Variants in RAB28 observed in about 807,000 individuals in gnomAD.
RAB28 encodes the protein RAB28, member RAS oncogene family.
In RAB28, 24 loss-of-function variants were observed where a neutral mutation model predicts 31.7. The ratio of observed to expected loss-of-function variants is 0.76; its 90% confidence interval spans 0.55 to 1.06. The LOEUF is 1.06. Ranked by LOEUF, RAB28 falls within the 50% of genes least tolerant of loss-of-function variation. The pLI, the probability that RAB28 is intolerant of heterozygous loss-of-function variation, is 0.00. For synonymous variants in RAB28, 100 were observed against 90.4 expected, an observed-to-expected ratio of 1.11 and a Z score of -0.60; for missense variants, 254 against 258.5, an observed-to-expected ratio of 0.98 and a Z score of 0.12.
intron 5 of RAB28, among the ~76,000 whole-genome samples, chr4:13,379,190 A>G (rs181086795): frequency 5.1e-5 from 7 of 136,962 alleles, no homozygotes; most frequent in Admixed American, 7.8e-5. Flanking sequence ...CGGAGGACAC[A>G]GTGAAACTCT....
At chr4:13,474,080 A>G (rs757208479) in intron 3 of RAB28, 2 of 647,404 alleles carry the variant, frequency 3.1e-6, no homozygotes, top group Non-Finnish European at 5.8e-6. Flanking sequence ...AACACCTAGT[A>G]ATGTAAATAA....
chr4:13,390,249 C>T (rs1375249704), intron 4 of RAB28, among the ~76,000 whole-genome samples: 1 of 152,096 alleles, frequency 6.6e-6, no homozygotes, highest in Admixed American at 6.6e-5. Context: ...CACAAGCATT[C>T]CTATACACCA....
At chr4:13,375,733 GT>G (rs1009395783) in intron 6 of RAB28, among the ~76,000 whole-genome samples, 97 of 151,844 alleles carry the variant, frequency 6.4e-4, no homozygotes, top group African/African-American at 2.1e-3. Flanking sequence ...CCATATCAGT[GT>G]AACAATTTCA....
intron 4 of RAB28, among the ~76,000 whole-genome samples, chr4:13,408,842 T>C (rs960095345): frequency 7.2e-5 from 11 of 152,164 alleles, no homozygotes; most frequent in Non-Finnish European, 1.5e-4. Flanking sequence ...TCCCACTCCA[T>C]CAGTGTTTTA....
intron 1 of RAB28, among the ~76,000 whole-genome samples, chr4:13,479,786 G>A (rs191259738): frequency 5.3e-5 from 8 of 150,902 alleles, no homozygotes; most frequent in South Asian, 4.2e-4. Context: ...CCTTTTCCTT[G>A]CTGAAAATTA....
chr4:13,370,064 C>T, intron 6 of RAB28: 1 of 1,470,758 alleles, frequency 6.8e-7, no homozygotes, highest in Non-Finnish European at 9.0e-7. Flanking sequence ...TAGAAGGAAA[C>T]ACCAAAGTAG....
intron 4 of RAB28, among the ~76,000 whole-genome samples, chr4:13,398,089 A>C (rs1169944813): frequency 6.6e-6 from 1 of 152,084 alleles, no homozygotes; most frequent in South Asian, 2.1e-4. Context: ...ATAATGCATA[A>C]CTATTTCTCC....
intron 4 of RAB28, 55 bp downstream of exon 4, chr4:13,460,644 C>T (rs1340145831): frequency 1.9e-6 from 3 of 1,600,160 alleles, no homozygotes; most frequent in Non-Finnish European, 2.6e-6. Context: ...CACAAACATT[C>T]TGTCCACAAC....
intron 4 of RAB28, among the ~76,000 whole-genome samples, chr4:13,422,848 T>TAAAACAA (rs1713244509): frequency 1.3e-5 from 2 of 150,400 alleles, no homozygotes; most frequent in Non-Finnish European, 3.0e-5. Flanking sequence ...TGTACACCTA[T>TAAAACAA]AAAACAAACC....
At chr4:13,383,916 C>G (rs1041318442) in intron 4 of RAB28, among the ~76,000 whole-genome samples, 1 of 152,152 alleles carries the variant, frequency 6.6e-6, no homozygotes, top group Non-Finnish European at 1.5e-5. Flanking sequence ...GGTCTGCTGC[C>G]CTCTCCTGAG....
At chr4:13,437,532 A>T (rs1714188503) in intron 4 of RAB28, among the ~76,000 whole-genome samples, 1 of 152,132 alleles carries the variant, frequency 6.6e-6, no homozygotes, top group Admixed American at 6.5e-5. Context: ...AACCGCAACA[A>T]AAAGTGGACT....
intron 4 of RAB28, among the ~76,000 whole-genome samples, chr4:13,454,013 A>G (rs10939483): frequency 0.056 from 8,514 of 151,478 alleles, 546 homozygotes; most frequent in African/African-American, 0.16. Context: ...AATCCTATAC[A>G]TTTTCTTCAT....
intron 3 of RAB28, among the ~76,000 whole-genome samples, chr4:13,464,521 T>C (rs1352151831): frequency 2.0e-5 from 3 of 152,044 alleles, no homozygotes; most frequent in Non-Finnish European, 4.4e-5. Flanking sequence ...GAATATAGTA[T>C]GCTTCTCCTC....
intron 4 of RAB28, among the ~76,000 whole-genome samples, chr4:13,429,052 C>T (rs992253189): frequency 2.7e-5 from 4 of 150,636 alleles, no homozygotes; most frequent in African/African-American, 7.3e-5. Flanking sequence ...TCAAGTGATT[C>T]TCCTGCCTCA....
chr4:13,410,872 C>G lies in RAB28; in HGVS notation c.392-29278G>C, dbSNP rs190306061. ...TTAATTTAGGAGCCATAAAGAATGT[C>G]TGTGGCAGCTCAAATGCCTGTGTAA... On this transcript the variant is annotated intron_variant, in intron 4 of 6. Transcript: ENST00000330852. 1.2e-3 allele frequency among the ~76,000 whole-genome samples: 181 copies of G among 152,094 alleles called. 1 individual carries two copies. The highest frequency in any genetic ancestry group is 4.2e-3 in the African/African-American group (173 of 41,512).
At chr4:13,409,999 G>C (rs993521996) in intron 4 of RAB28, among the ~76,000 whole-genome samples, 1 of 151,916 alleles carries the variant, frequency 6.6e-6, no homozygotes. Context: ...GTGCTATCTC[G>C]TGATGGAATA....
At chr4:13,466,132 T>C (rs1346398388) in intron 3 of RAB28, among the ~76,000 whole-genome samples, 1 of 151,938 alleles carries the variant, frequency 6.6e-6, no homozygotes, top group East Asian at 1.9e-4. Context: ...AGAAAATGTA[T>C]GGAGGAAAAC....
intron 4 of RAB28, among the ~76,000 whole-genome samples, chr4:13,392,817 C>T (rs754866468): frequency 9.2e-5 from 14 of 152,112 alleles, no homozygotes; most frequent in Non-Finnish European, 1.6e-4. Flanking sequence ...TTAGCCATTA[C>T]TCAATGTACA....
chr4:13,469,818 AG>A (rs1159727136), intron 3 of RAB28, among the ~76,000 whole-genome samples: 1 of 151,996 alleles, frequency 6.6e-6, no homozygotes, highest in East Asian at 1.9e-4. Context: ...CCTCTCTAGT[AG>A]CTAGGACTAC....
Sources: allele counts gnomAD v4.1 joint callset (sites outside exome capture counted in the v4.1 genomes callset), GRCh38; gene constraint gnomAD v4.1.1; transcripts MANE v1.5; gene names NCBI Gene and HGNC (gene_info 2026-07-23, HGNC 2026-07-21).